Variants in PHTF1 observed in about 807,000 individuals in gnomAD.
The protein encoded by PHTF1 is putative homeodomain transcription factor 1.
In PHTF1, 88 loss-of-function variants were observed where a neutral mutation model predicts 102.4. The ratio of observed to expected loss-of-function variants is 0.86; its 90% CI spans 0.72 to 1.03. PHTF1 has a LOEUF of 1.03. Among genes scored for constraint, PHTF1 ranks in the 50% least tolerant of loss-of-function variants. The pLI, the probability that PHTF1 is intolerant of heterozygous loss-of-function variation, is 0.00. For missense variants in PHTF1, 814 were observed against 909.5 expected (o/e 0.89, Z 1.35); for synonymous variants, 289 against 305.2 (o/e 0.95, Z 0.55).
chr1:113,717,238 A>G (rs1478910184), intron 7 of PHTF1, among the ~76,000 whole-genome samples: 12 of 152,156 alleles, frequency 7.9e-5, no homozygotes, highest in Admixed American at 7.9e-4. Flanking sequence ...ATAAAAAATA[A>G]AAAGAAATAA....
chr1:113,738,268 C>T lies in PHTF1; in HGVS notation c.173G>A (p.Gly58Glu). ...AGGTTTTGCTTTGGCAAATGTTGAC[C>T]CTTTAAACATACAATAAAACAAAAC... ...PDLIDVDLIR[G>E]STFAKAKPEI... is the part of the protein sequence containing the mutation. The change falls in exon 5 of 19, where the codon GGG (glycine) becomes GAG (glutamate). Residue 58 changes from glycine to glutamate, a missense_variant and splice_region_variant. Physicochemically the swap from Gly to Glu is moderately conservative, Grantham distance 98. Transcript: ENST00000369604. 2 of 1,611,818 alleles carry T rather than the reference C, an allele frequency of 1.2e-6. No homozygotes were observed. Among genetic ancestry groups the T allele is most frequent in the South Asian group, 2.2e-5 (2 of 90,860 alleles).
chr1:113,706,818 A>C (rs990577081), intron 11 of PHTF1, 96 bp from the exon 12 acceptor site: 10 of 728,686 alleles, frequency 1.4e-5, no homozygotes, highest in Non-Finnish European at 2.2e-5. Context: ...CACTCTAATA[A>C]CCACCTCTAT....
At chr1:113,758,077 G>A (rs1441826101) in intron 2 of PHTF1, among the ~76,000 whole-genome samples, 2 of 151,792 alleles carry the variant, frequency 1.3e-5, no homozygotes, top group Non-Finnish European at 2.9e-5. Flanking sequence ...GTGAAACCCC[G>A]TCCCTACTAA....
intron 11 of PHTF1, among the ~76,000 whole-genome samples, chr1:113,709,505 T>G (rs1316384773): frequency 6.6e-6 from 1 of 152,218 alleles, no homozygotes; most frequent in African/African-American, 2.4e-5. Context: ...GTGAACTATT[T>G]CTTCATCATT....
At chr1:113,708,779 C>T (rs1375734870) in intron 11 of PHTF1, among the ~76,000 whole-genome samples, 1 of 152,098 alleles carries the variant, frequency 6.6e-6, no homozygotes, top group Admixed American at 6.6e-5. Context: ...GTTTACCACA[C>T]TCAATTATTC....
At chr1:113,757,617 T>A (rs778431960) in intron 3 of PHTF1, 82 bp downstream of exon 3, 16 of 884,990 alleles carry the variant, frequency 1.8e-5, no homozygotes, top group Non-Finnish European at 2.9e-5. Context: ...GGTAGTTAAA[T>A]GCAGAGTTTA....
rs945288558 is a variant in PHTF1 at position 113,723,807 on chromosome 1, C to A, written c.623+952G>T. ...ATCAAGTTAAAAAGCATCTATATAG[C>A]AAAGGAAACAATCAACCAAGTGAAA... is the stretch of plus-strand genomic sequence containing the variant. On this transcript the variant is annotated intron_variant, in intron 7 of 18. Transcript: ENST00000369604. Among the ~76,000 whole-genome samples, 3 of 152,158 alleles carry A rather than the reference C, an allele frequency of 2.0e-5. No individual in the cohort carries two copies. The South Asian group carries it at 6.2e-4, about 32-fold the overall frequency.
chr1:113,740,289 T>C lies in PHTF1; in HGVS notation c.103-1490A>G, dbSNP rs570899328. Among the ~76,000 whole-genome samples the C allele has an allele frequency of 6.1e-4, 93 of 152,298 alleles. 1 individual carries two copies. Among genetic ancestry groups the C allele is most frequent in the Admixed American group, 2.0e-3 (31 of 15,284 alleles). On this transcript the variant is annotated intron_variant, in intron 3 of 18. Coordinates refer to ENST00000369604, the MANE Select transcript of PHTF1 (RefSeq NM_001323043.2). ...CTAATTAGGTTGACGTGGTATCTCATTGCGGTTTTGATTTGCATTTCCCTG... is the reference window on the plus strand; with the variant it reads ...CTAATTAGGTTGACGTGGTATCTCACTGCGGTTTTGATTTGCATTTCCCTG...
intron 10 of PHTF1, 120 bp downstream of exon 10, chr1:113,711,626 G>T: frequency 2.9e-6 from 2 of 686,258 alleles, no homozygotes; most frequent in Non-Finnish European, 5.1e-6. Flanking sequence ...GGTAATTGGA[G>T]ACAGGGAAGG....
intron 11 of PHTF1, among the ~76,000 whole-genome samples, chr1:113,709,329 G>A (rs1290401717): frequency 6.6e-6 from 1 of 152,162 alleles, no homozygotes; most frequent in East Asian, 1.9e-4. Flanking sequence ...AAATGAAAAT[G>A]TATAACCTAA....
At chr1:113,717,403 T>A (rs555180677) in intron 7 of PHTF1, among the ~76,000 whole-genome samples, 1 of 152,156 alleles carries the variant, frequency 6.6e-6, no homozygotes, top group African/African-American at 2.4e-5. Flanking sequence ...TGAACTAAAC[T>A]TTCTAATCAA....
intron 5 of PHTF1, among the ~76,000 whole-genome samples, chr1:113,731,470 G>C (rs893197878): frequency 6.6e-6 from 1 of 151,938 alleles, no homozygotes; most frequent in Non-Finnish European, 1.5e-5. Context: ...GCTCAAGGCT[G>C]TAGTGAAATA....
chr1:113,709,981 T>C (rs150541345), intron 11 of PHTF1, among the ~76,000 whole-genome samples: 1 of 152,266 alleles, frequency 6.6e-6, no homozygotes, highest in Non-Finnish European at 1.5e-5. Flanking sequence ...ATATAAAATA[T>C]AAAATACACA....
chr1:113,715,592 G>A (rs1391629635), intron 7 of PHTF1, among the ~76,000 whole-genome samples: 4 of 127,454 alleles, frequency 3.1e-5, no homozygotes, highest in Admixed American at 9.7e-5. Context: ...AGTTTGCAGT[G>A]AGCCGAGATT....
chr1:113,706,671 C>G lies in PHTF1; in HGVS notation c.1321G>C (p.Ala441Pro). Residue 441 changes from alanine to proline, a missense_variant, in exon 12 of 19, where the codon GCA becomes CCA. Ala to Pro is a conservative substitution (Grantham distance 27). Transcript: ENST00000369604. ...CACTCATTCCCCTCCCAGATTATTG[C>G]ACTAACTCGATCAGAGGAAGGACTT... The part of the protein sequence containing the change: ...NSSPSSDRVS[A>P]IIWEGNECKK... 6.2e-7 allele frequency: 1 copy of G among 1,608,566 alleles called. No homozygotes were observed.
chr1:113,706,986 C>T (rs961863508), intron 11 of PHTF1, among the ~76,000 whole-genome samples: 2 of 151,160 alleles, frequency 1.3e-5, no homozygotes, highest in Non-Finnish European at 2.9e-5. Flanking sequence ...ACCATAGGCA[C>T]ATACCACCAT....
chr1:113,729,357 C>T (rs969400578), intron 5 of PHTF1, among the ~76,000 whole-genome samples: 1 of 152,002 alleles, frequency 6.6e-6, no homozygotes, highest in Non-Finnish European at 1.5e-5. Flanking sequence ...ACAGGCTGAC[C>T]TATAGTCAAT....
intron 16 of PHTF1, chr1:113,700,336 T>C: frequency 5.0e-6 from 1 of 199,372 alleles, no homozygotes; most frequent in Non-Finnish European, 9.0e-6. Flanking sequence ...AAAAAAACTT[T>C]ATACTACTCT....
In PHTF1 at chr1:113,697,572, C is replaced by T. The variant is rs974807177; in HGVS notation, c.*133G>A. 8 of 632,308 alleles carry T rather than the reference C, an allele frequency of 1.3e-5. No homozygotes were observed. Among genetic ancestry groups the T allele is most frequent in the Admixed American group, 8.2e-5 (3 of 36,500 alleles). 39.2% of individuals were successfully genotyped at this position (632,308 alleles called of 1,614,324 possible). On this transcript the variant is annotated 3_prime_UTR_variant, in exon 19 of 19. Coordinates refer to ENST00000369604, the MANE Select transcript of PHTF1 (RefSeq NM_001323043.2). Reference sequence around the variant, plus strand: ...TGCTCCTCCGGAAACACCATTCATTCGCTTTGGCAGAGCTGAGAGCACCTG... The same window carrying T: ...TGCTCCTCCGGAAACACCATTCATTTGCTTTGGCAGAGCTGAGAGCACCTG...
Sources: gnomAD v4.1 joint callset for allele counts (sites outside exome capture counted in the v4.1 genomes callset) on GRCh38, gnomAD v4.1.1 for gene constraint, MANE v1.5 for transcripts, NCBI Gene and HGNC (gene_info 2026-07-23, HGNC 2026-07-21) for gene names.